FUT9: variants seen among roughly 807,000 people sequenced by gnomAD.
FUT9 encodes the protein fucosyltransferase 9.
Under a neutral mutation model 29.7 loss-of-function variants are expected in FUT9, and 15 were observed. The ratio of observed to expected loss-of-function variants is 0.51; its 90% CI spans 0.34 to 0.78. The LOEUF is 0.78. Ranked by LOEUF, FUT9 falls within the 30% of genes least tolerant of loss-of-function variation. The pLI is 0.01. For missense variants in FUT9, 319 were observed against 425.4 expected (o/e 0.75, Z 2.20); for synonymous variants, 169 against 153.7 (o/e 1.10, Z -0.74).
At chr6:96,202,900 C>T (rs186951910) in intron 2 of FUT9, among the ~76,000 whole-genome samples, 2 of 152,062 alleles carry the variant, frequency 1.3e-5, no homozygotes, top group Admixed American at 6.6e-5. Context: ...TTGAAAAAAA[C>T]GTTACTTGGT....
intron 2 of FUT9, among the ~76,000 whole-genome samples, chr6:96,137,936 G>T (rs773955458): frequency 2.0e-5 from 3 of 152,064 alleles, no homozygotes; most frequent in Admixed American, 6.6e-5. Context: ...ATTAAGGTAT[G>T]CCTGAAGGTT....
At chr6:96,082,997 G>A (rs1332633431) in intron 1 of FUT9, among the ~76,000 whole-genome samples, 1 of 151,906 alleles carries the variant, frequency 6.6e-6, no homozygotes, top group East Asian at 1.9e-4. Flanking sequence ...TTTTTAGCTG[G>A]AAAATGACAG....
Position 96,049,657 on chromosome 6 carries a change from C to T in FUT9, c.-98+33445C>T, listed in dbSNP as rs563257757. 3.9e-5 allele frequency among the ~76,000 whole-genome samples: 6 copies of T among 152,290 alleles called. No individual in the cohort carries two copies. In the East Asian group the frequency reaches 5.8e-4, roughly 15 times the overall value. ...CCCATGTTGGCCCCAAAATTTACAG[C>T]GTCTGGAGTGAGAAATACAAATTGG... is the stretch of plus-strand genomic sequence containing the variant. On this transcript the variant is annotated intron_variant, in intron 1 of 2. Coordinates refer to ENST00000302103, the MANE Select transcript of FUT9 (RefSeq NM_006581.4).
At chr6:96,200,074 T>C (rs1437379243) in intron 2 of FUT9, among the ~76,000 whole-genome samples, 1 of 152,140 alleles carries the variant, frequency 6.6e-6, no homozygotes, top group Non-Finnish European at 1.5e-5. Flanking sequence ...CTCTGTGTGG[T>C]TTTGGACAAG....
intron 1 of FUT9, among the ~76,000 whole-genome samples, chr6:96,104,213 A>T (rs866080238): frequency 6.6e-6 from 1 of 152,336 alleles, no homozygotes; most frequent in Middle Eastern, 3.4e-3. Context: ...GGCCAAGGTT[A>T]TATTTCTCTA....
chr6:96,035,413 C>T (rs1770334527), intron 1 of FUT9, among the ~76,000 whole-genome samples: 1 of 151,234 alleles, frequency 6.6e-6, no homozygotes, highest in Admixed American at 6.6e-5. Context: ...ATTTCACACT[C>T]TTCATCTCAT....
intron 1 of FUT9, among the ~76,000 whole-genome samples, chr6:96,047,272 A>G (rs1582192204): frequency 6.6e-6 from 1 of 152,082 alleles, no homozygotes; most frequent in Admixed American, 6.6e-5. Context: ...AGTATGTGTG[A>G]CCCTCTCAGG....
Position 96,212,590 on chromosome 6 carries a change from A to G in FUT9, c.*8355A>G. The G allele has an allele frequency of 2.7e-6, 1 of 372,600 alleles. No individual in the cohort carries two copies. Among genetic ancestry groups the G allele is most frequent in the Non-Finnish European group, 5.0e-6 (1 of 200,874 alleles). The allele number at this position is 372,600 out of a possible 1,614,324, so 23.1% of individuals were successfully genotyped here. Reference sequence around the variant, plus strand: ...TTAAGGGAGTAATTGTGACAATATAAAATGGCATTGTTATAGAATCCCTAA... The same window carrying G: ...TTAAGGGAGTAATTGTGACAATATAGAATGGCATTGTTATAGAATCCCTAA... On this transcript the variant is annotated 3_prime_UTR_variant, in exon 3 of 3. Coordinates refer to ENST00000302103, the MANE Select transcript of FUT9 (RefSeq NM_006581.4).
chr6:96,203,092 T>C (rs1773757355), intron 2 of FUT9, 56 bp from the exon 3 acceptor site: 2 of 1,322,508 alleles, frequency 1.5e-6, no homozygotes, highest in South Asian at 1.4e-5. Context: ...AATATATTTA[T>C]GATTTTCTCT....
chr6:96,143,375 C>T (rs550722771), intron 2 of FUT9, among the ~76,000 whole-genome samples: 6 of 152,190 alleles, frequency 3.9e-5, no homozygotes, highest in South Asian at 2.1e-4. Flanking sequence ...TTACACAGTC[C>T]GAAAGGACTA....
At chr6:96,022,099 C>T (rs1398220935) in intron 1 of FUT9, among the ~76,000 whole-genome samples, 1 of 151,974 alleles carries the variant, frequency 6.6e-6, no homozygotes, top group Non-Finnish European at 1.5e-5. Flanking sequence ...GATTAGAGAG[C>T]TTCAAGGAAA....
In FUT9 at chr6:96,206,845, T is replaced by G. The variant is rs956752189; in HGVS notation, c.*2610T>G. The G allele has an allele frequency of 1.8e-5, 3 of 167,072 alleles. No homozygotes were observed. The Admixed American group carries it at 2.0e-4, about 11-fold the overall frequency. 10.3% of individuals were successfully genotyped at this position (167,072 alleles called of 1,614,324 possible). On this transcript the variant is annotated 3_prime_UTR_variant, in exon 3 of 3. Transcript: ENST00000302103. ...CAACCTGCCTTGGCTCTAGTGAATG[T>G]TCATGATTTGAAAGAACTGAAAGAC...
chr6:96,160,515 G>A (rs374629183), intron 2 of FUT9, among the ~76,000 whole-genome samples: 1 of 152,048 alleles, frequency 6.6e-6, no homozygotes, highest in East Asian at 1.9e-4. Context: ...ATGCATGAAC[G>A]CTTTTTAAAA....
At chr6:96,140,187 T>C (rs115848870) in intron 2 of FUT9, among the ~76,000 whole-genome samples, 3,501 of 152,238 alleles carry the variant, frequency 0.023, 151 homozygotes, top group African/African-American at 0.077. Flanking sequence ...TGACCTTTAC[T>C]CCAGTTCCCA....
At chr6:96,051,630 G>T (rs903841530) in intron 1 of FUT9, among the ~76,000 whole-genome samples, 2 of 151,902 alleles carry the variant, frequency 1.3e-5, no homozygotes, top group Non-Finnish European at 2.9e-5. Flanking sequence ...TCCAGCCTTG[G>T]CAACAGAGCA....
At chr6:96,113,285 C>G (rs1299813378) in intron 1 of FUT9, among the ~76,000 whole-genome samples, 1 of 151,992 alleles carries the variant, frequency 6.6e-6, no homozygotes, top group Non-Finnish European at 1.5e-5. Context: ...GTCACTGAGG[C>G]TGGAGTGCAG....
chr6:96,184,431 T>C, intron 2 of FUT9, among the ~76,000 whole-genome samples: 1 of 151,982 alleles, frequency 6.6e-6, no homozygotes, highest in Non-Finnish European at 1.5e-5. Flanking sequence ...TTTTTGTTTG[T>C]TTGTCTCTTT....
At chr6:96,093,449 A>T (rs1771445394) in intron 1 of FUT9, among the ~76,000 whole-genome samples, 1 of 152,138 alleles carries the variant, frequency 6.6e-6, no homozygotes, top group Non-Finnish European at 1.5e-5. Context: ...ACTATGATTG[A>T]CAGTATCCTC....
At chr6:96,065,458 G>A (rs1022571253) in intron 1 of FUT9, among the ~76,000 whole-genome samples, 1 of 152,068 alleles carries the variant, frequency 6.6e-6, no homozygotes, top group Non-Finnish European at 1.5e-5. Flanking sequence ...ACAAATTCCT[G>A]GCAACTTGCT....
Sources: allele counts gnomAD v4.1 joint callset (sites outside exome capture counted in the v4.1 genomes callset), GRCh38; gene constraint gnomAD v4.1.1; transcripts MANE v1.5; gene names NCBI Gene and HGNC (gene_info 2026-07-23, HGNC 2026-07-21).